Variants in AGBL1 observed in about 807,000 individuals in gnomAD.
AGBL1 encodes the protein cytosolic carboxypeptidase 4.
Under a neutral mutation model 118.9 loss-of-function variants are expected in AGBL1, and 130 were observed. The observed-to-expected ratio is 1.09, with a 90% CI of 0.95 to 1.26. The LOEUF is 1.26. AGBL1 is among the 50% of genes most tolerant of loss of function. The pLI is 0.00. For missense variants in AGBL1, 1,584 were observed against 1,298.1 expected (o/e 1.22, Z -3.38); for synonymous variants, 555 against 478.9 (o/e 1.16, Z -2.08).
intron 24 of AGBL1, among the ~76,000 whole-genome samples, chr15:87,013,660 C>T (rs137882209): frequency 5.9e-5 from 9 of 152,160 alleles, no homozygotes; most frequent in African/African-American, 1.2e-4. Context: ...CAGTTGGTTA[C>T]GAGGCCTTGC....
chr15:86,374,441 C>T (rs1049825087), intron 17 of AGBL1, among the ~76,000 whole-genome samples: 1 of 152,204 alleles, frequency 6.6e-6, no homozygotes, highest in African/African-American at 2.4e-5. Context: ...GAGAACCAGG[C>T]AGCACCTTCT....
chr15:86,471,166 T>A (rs888391167), intron 18 of AGBL1, among the ~76,000 whole-genome samples: 5 of 152,206 alleles, frequency 3.3e-5, no homozygotes, highest in Admixed American at 3.3e-4. Context: ...GGGATTGACA[T>A]AAATGGCCTT....
intron 18 of AGBL1, among the ~76,000 whole-genome samples, chr15:86,415,500 TGTTA>T (rs1337986897): frequency 3.3e-5 from 5 of 152,174 alleles, no homozygotes; most frequent in Admixed American, 6.5e-5. Context: ...TTCTTATACA[TGTTA>T]AAGTAAACAA....
intron 23 of AGBL1, among the ~76,000 whole-genome samples, chr15:86,978,908 A>C (rs2141718139): frequency 6.6e-6 from 1 of 152,306 alleles, no homozygotes; most frequent in East Asian, 1.9e-4. Context: ...TGGAGAATTG[A>C]GGCAGAAAAC....
intron 24 of AGBL1, among the ~76,000 whole-genome samples, chr15:87,007,161 G>C (rs529454245): frequency 6.6e-6 from 1 of 152,020 alleles, no homozygotes; most frequent in African/African-American, 2.4e-5. Context: ...AAATTGTTTG[G>C]TATTCATTTG....
At chr15:86,150,670 C>G (rs933751682) in intron 3 of AGBL1, among the ~76,000 whole-genome samples, 4 of 152,276 alleles carry the variant, frequency 2.6e-5, no homozygotes, top group Non-Finnish European at 5.9e-5. Context: ...GATGGATTCA[C>G]AGCCAAATTC....
intron 19 of AGBL1, among the ~76,000 whole-genome samples, chr15:86,528,248 C>T (rs1412986208): frequency 6.6e-6 from 1 of 152,176 alleles, no homozygotes; most frequent in African/African-American, 2.4e-5. Context: ...CCAGTGGGTG[C>T]ACGCACCGGG....
At chr15:86,468,795 G>A (rs144193320) in intron 18 of AGBL1, among the ~76,000 whole-genome samples, 1 of 152,250 alleles carries the variant, frequency 6.6e-6, no homozygotes, top group East Asian at 1.9e-4. Context: ...TTGTAGGATA[G>A]ACATGAGAGG....
intron 24 of AGBL1, among the ~76,000 whole-genome samples, chr15:87,023,647 T>G (rs1230755657): frequency 1.3e-5 from 2 of 152,080 alleles, no homozygotes; most frequent in Admixed American, 1.3e-4. Context: ...AACAGATATA[T>G]ACAGAACATT....
At chr15:86,332,694 C>G (rs962003962) in intron 17 of AGBL1, among the ~76,000 whole-genome samples, 1 of 151,034 alleles carries the variant, frequency 6.6e-6, no homozygotes, top group Non-Finnish European at 1.5e-5. Flanking sequence ...TGACACATTA[C>G]CAATTGGACC....
chr15:86,969,377 C>T (rs1006674204), intron 23 of AGBL1, among the ~76,000 whole-genome samples: 5 of 151,736 alleles, frequency 3.3e-5, no homozygotes, highest in African/African-American at 1.2e-4. Context: ...ATACTACCTG[C>T]TCTCCTTTAG....
At chr15:86,692,809 C>T (rs907237680) in intron 22 of AGBL1, among the ~76,000 whole-genome samples, 1 of 152,106 alleles carries the variant, frequency 6.6e-6, no homozygotes, top group East Asian at 1.9e-4. Flanking sequence ...ATTCTTATGC[C>T]TTTGCATCTT....
At chr15:86,866,455 C>T (rs1394780494) in intron 22 of AGBL1, among the ~76,000 whole-genome samples, 1 of 152,190 alleles carries the variant, frequency 6.6e-6, no homozygotes, top group Non-Finnish European at 1.5e-5. Context: ...GTTAATACAA[C>T]AGTCATCTAC....
intron 24 of AGBL1, among the ~76,000 whole-genome samples, chr15:87,020,876 A>G (rs529683142): frequency 5.9e-5 from 9 of 152,306 alleles, no homozygotes; most frequent in Middle Eastern, 3.4e-3. Flanking sequence ...AAAACATTCC[A>G]TGCTCATGGA....
chr15:86,530,236 T>G (rs1235386574), intron 19 of AGBL1, among the ~76,000 whole-genome samples: 2 of 133,338 alleles, frequency 1.5e-5, no homozygotes, highest in Admixed American at 1.4e-4. Flanking sequence ...GAGACACACA[T>G]AGGCTGAAAA....
chr15:86,368,026 G>T (rs1385176478), intron 17 of AGBL1, among the ~76,000 whole-genome samples: 1 of 152,026 alleles, frequency 6.6e-6, no homozygotes, highest in East Asian at 1.9e-4. Flanking sequence ...AGCTGGGTTT[G>T]GTTCCCCTCC....
intron 1 of AGBL1, among the ~76,000 whole-genome samples, chr15:86,105,739 A>G (rs1287167628): frequency 1.3e-5 from 2 of 152,226 alleles, no homozygotes; most frequent in Non-Finnish European, 2.9e-5. Flanking sequence ...CCCAGGTTTG[A>G]TTACACAAAT....
At chr15:86,846,643 T>G (rs935855982) in intron 22 of AGBL1, among the ~76,000 whole-genome samples, 20 of 152,182 alleles carry the variant, frequency 1.3e-4, no homozygotes, top group African/African-American at 4.8e-4. Flanking sequence ...GCAGTTCTCC[T>G]GATTCAGCCT....
intron 22 of AGBL1, among the ~76,000 whole-genome samples, chr15:86,712,884 G>C (rs1183176381): frequency 6.6e-6 from 1 of 152,182 alleles, no homozygotes; most frequent in African/African-American, 2.4e-5. Flanking sequence ...CCTCTGGGAT[G>C]GGGCTCCTGC....
Sources: gnomAD v4.1 joint callset for allele counts (sites outside exome capture counted in the v4.1 genomes callset) on GRCh38, gnomAD v4.1.1 for gene constraint, MANE v1.5 for transcripts, NCBI Gene and HGNC (gene_info 2026-07-23, HGNC 2026-07-21) for gene names.